GRHL2: variants seen among roughly 807,000 people sequenced by gnomAD.
GRHL2 encodes the protein grainyhead like transcription factor 2.
A neutral mutation model predicts 83.8 loss-of-function variants in GRHL2; 21 were observed. That is an observed-to-expected ratio of 0.25 (90% CI 0.18 to 0.36). The LOEUF (loss-of-function observed/expected upper bound fraction) is 0.36, where lower values mean the gene tolerates loss of function less well. GRHL2 is among the 10% of genes least tolerant of loss of function. The pLI, the probability that GRHL2 is intolerant of heterozygous loss-of-function variation, is 1.00. For missense variants in GRHL2, 623 were observed against 781.8 expected (o/e 0.80, Z 2.42); for synonymous variants, 280 against 278.9 (o/e 1.00, Z -0.04).
At chr8:101,654,928 A>G (rs112383800) in intron 14 of GRHL2, among the ~76,000 whole-genome samples, 2,214 of 152,266 alleles carry the variant, frequency 0.015, 62 homozygotes, top group African/African-American at 0.051. Flanking sequence ...CACACCTGTA[A>G]TCCCAACACT....
the GRHL2 span, among the ~76,000 whole-genome samples, chr8:101,676,178 A>G: frequency 1.1e-4 from 17 of 152,026 alleles, 1 homozygote; most frequent in African/African-American, 3.9e-4. Flanking sequence ...AAACACCAAA[A>G]GCAATGGCAA....
chr8:101,502,044 G>C (rs1172567071), intron 1 of GRHL2, among the ~76,000 whole-genome samples: 1 of 151,540 alleles, frequency 6.6e-6, no homozygotes, highest in Middle Eastern at 3.4e-3. Flanking sequence ...ATTGTTTTTT[G>C]GTTCTCAGTT....
At chr8:101,596,899 G>A (rs1049729013) in intron 7 of GRHL2, among the ~76,000 whole-genome samples, 5 of 152,124 alleles carry the variant, frequency 3.3e-5, no homozygotes, top group African/African-American at 1.2e-4. Flanking sequence ...CATGTAGTTT[G>A]GCTTTAAAAT....
chr8:101,518,100 A>G (rs926202113), intron 1 of GRHL2, among the ~76,000 whole-genome samples: 2 of 152,214 alleles, frequency 1.3e-5, no homozygotes, highest in Non-Finnish European at 2.9e-5. Flanking sequence ...ACAGTATAGC[A>G]GCCTTTTCCT....
At chr8:101,593,963 G>T (rs573351653) in intron 7 of GRHL2, among the ~76,000 whole-genome samples, 1 of 151,174 alleles carries the variant, frequency 6.6e-6, no homozygotes, top group East Asian at 2.0e-4. Context: ...CAGCTACTCG[G>T]GAGGCTGAGG....
At chr8:101,519,408 GA>G in intron 1 of GRHL2, among the ~76,000 whole-genome samples, 1 of 10,726 alleles carries the variant, frequency 9.3e-5, no homozygotes, top group East Asian at 1.4e-3. Flanking sequence ...CTTATTACTT[GA>G]ATTTTTTTTT....
At chr8:101,513,489 C>G (rs17397386) in intron 1 of GRHL2, among the ~76,000 whole-genome samples, 1 of 58,774 alleles carries the variant, frequency 1.7e-5, no homozygotes, top group Non-Finnish European at 3.4e-5. Context: ...TGGGTGCAGG[C>G]TATCGTTGTG....
At chr8:101,678,940 A>G in the GRHL2 span, among the ~76,000 whole-genome samples, 25,122 of 121,692 alleles carry the variant, frequency 0.21, 847 homozygotes, top group African/African-American at 0.28. Context: ...ACCATCATCA[A>G]AGACCAAAAG....
chr8:101,591,104 A>G (rs760148852), intron 7 of GRHL2, among the ~76,000 whole-genome samples: 7 of 152,232 alleles, frequency 4.6e-5, no homozygotes, highest in Non-Finnish European at 1.0e-4. Context: ...TTAAAAACCT[A>G]TTAACAGGCC....
intron 4 of GRHL2, among the ~76,000 whole-genome samples, chr8:101,568,011 A>C (rs983509421): frequency 1.3e-5 from 2 of 152,128 alleles, no homozygotes; most frequent in African/African-American, 4.8e-5. Context: ...CCTACTCCAA[A>C]ATTTTCTAAT....
intron 8 of GRHL2, among the ~76,000 whole-genome samples, chr8:101,617,870 G>A (rs1812887449): frequency 6.6e-6 from 1 of 152,148 alleles, no homozygotes; most frequent in Admixed American, 6.5e-5. Context: ...TCTCCATAGT[G>A]TCGCTGTGGT....
intron 1 of GRHL2, among the ~76,000 whole-genome samples, chr8:101,518,414 A>G (rs1810615389): frequency 6.6e-6 from 1 of 152,180 alleles, no homozygotes; most frequent in Admixed American, 6.5e-5. Flanking sequence ...CGTGTCTCAA[A>G]GAAAGGAAAA....
intron 2 of GRHL2, 59 bp from the exon 3 acceptor site, chr8:101,552,656 C>T (rs1199481942): frequency 6.6e-7 from 1 of 1,526,128 alleles, no homozygotes; most frequent in Non-Finnish European, 9.1e-7. Flanking sequence ...GTGTCCAGCT[C>T]TGAACATGGT....
rs549098953 is a variant in GRHL2 at position 101,551,992 on chromosome 8, C to A, written c.217-723C>A. Among the ~76,000 whole-genome samples the A allele has an allele frequency of 1.9e-4, 29 of 151,938 alleles. No homozygotes were observed. The East Asian group carries it at 5.4e-3, about 29-fold the overall frequency. The stretch of plus-strand genomic sequence containing the variant: ...CTGGGACTACAGGTGCCTGCCACCA[C>A]GCCCAGCTAATTTTTTGTATTTTTA... On this transcript the variant is annotated intron_variant, in intron 2 of 15. Transcript: ENST00000646743.
At chr8:101,523,170 C>T (rs540596342) in intron 1 of GRHL2, among the ~76,000 whole-genome samples, 1 of 152,132 alleles carries the variant, frequency 6.6e-6, no homozygotes, top group South Asian at 2.1e-4. Flanking sequence ...CCTCGGCCTC[C>T]CAAAGTGCTG....
chr8:101,658,432 A>G (rs916301713), intron 14 of GRHL2, among the ~76,000 whole-genome samples: 62 of 152,176 alleles, frequency 4.1e-4, no homozygotes, highest in African/African-American at 1.5e-3. Context: ...TCTGAGAGAC[A>G]GCGCTCACAA....
intron 9 of GRHL2, among the ~76,000 whole-genome samples, chr8:101,625,578 G>A (rs1307672584): frequency 6.6e-6 from 1 of 152,082 alleles, no homozygotes; most frequent in African/African-American, 2.4e-5. Context: ...CAAAGCAGTT[G>A]TTTCCTGAAG....
At chr8:101,552,600 A>C in intron 2 of GRHL2, 115 bp from the exon 3 acceptor site, 1 of 940,712 alleles carries the variant, frequency 1.1e-6, no homozygotes. Flanking sequence ...CAACTTTTCC[A>C]CCATTTCCTG....
intron 7 of GRHL2, among the ~76,000 whole-genome samples, 184 bp from the exon 8 acceptor site, chr8:101,598,873 T>C (rs928480380): frequency 6.6e-6 from 1 of 152,206 alleles, no homozygotes; most frequent in Non-Finnish European, 1.5e-5. Flanking sequence ...GGAACACGCT[T>C]ACATTCTTAT....
Sources: gnomAD v4.1 joint callset for allele counts (sites outside exome capture counted in the v4.1 genomes callset) on GRCh38, gnomAD v4.1.1 for gene constraint, MANE v1.5 for transcripts, NCBI Gene and HGNC (gene_info 2026-07-23, HGNC 2026-07-21) for gene names.